FRMPD4: variants seen among roughly 807,000 people sequenced by gnomAD.
FRMPD4 encodes FERM and PDZ domain containing 4.
In FRMPD4, 22 loss-of-function variants were observed where a neutral mutation model predicts 94.1. The observed-to-expected ratio is 0.23, with a 90% CI of 0.17 to 0.33. FRMPD4 has a LOEUF of 0.33. FRMPD4 is among the 10% of genes least tolerant of loss of function. The pLI is 1.00. For synonymous variants in FRMPD4, 631 were observed against 548.6 expected (o/e 1.15, Z -2.10); for missense variants, 1,111 against 1,339.9 (o/e 0.83, Z 2.67).
At chrX:12,295,700 C>G (rs928121233) in intron 1 of FRMPD4, among the ~76,000 whole-genome samples, 3 of 111,804 alleles carry the variant, frequency 2.7e-5, no homozygotes, top group African/African-American at 9.8e-5. Context: ...GTTTAAGAGT[C>G]TTTTTGCCTC....
intron 2 of FRMPD4, among the ~76,000 whole-genome samples, chrX:12,499,144 G>T (rs774553233): frequency 8.1e-5 from 9 of 111,463 alleles, no homozygotes; most frequent in African/African-American, 2.9e-4. Flanking sequence ...AACAACCGAA[G>T]TTGGACATGC....
chrX:12,499,659 A>G, intron 2 of FRMPD4, among the ~76,000 whole-genome samples: 1 of 112,641 alleles, frequency 8.9e-6, no homozygotes, highest in Non-Finnish European at 1.9e-5. Flanking sequence ...CACTTAGCGT[A>G]ACGTTTTCAG....
intron 2 of FRMPD4, among the ~76,000 whole-genome samples, chrX:12,574,022 A>G (rs1411737494): frequency 8.9e-6 from 1 of 112,174 alleles, no homozygotes; most frequent in Non-Finnish European, 1.9e-5. Context: ...TATTTTTTTG[A>G]GACAGTCTCA....
chrX:12,351,322 G>GC (rs1304066399), intron 1 of FRMPD4, among the ~76,000 whole-genome samples: 8 of 108,844 alleles, frequency 7.3e-5, no homozygotes, highest in Admixed American at 4.0e-4. Flanking sequence ...ACAGCCCCCT[G>GC]CCCCCCCATT....
intron 1 of FRMPD4, among the ~76,000 whole-genome samples, chrX:12,405,610 C>T (rs1272593966): frequency 9.0e-6 from 1 of 111,616 alleles, no homozygotes; most frequent in Non-Finnish European, 1.9e-5. Flanking sequence ...CTGTCTCCCT[C>T]ATTAATGTGA....
chrX:11,925,519 A>G (rs748126210), intron 3 of FRMPD4, among the ~76,000 whole-genome samples: 1 of 112,394 alleles, frequency 8.9e-6, no homozygotes, highest in East Asian at 2.8e-4. Flanking sequence ...ACTCTTCAGC[A>G]AATGTGAAAG....
chrX:12,129,855 T>C (rs1217632262), intron 3 of FRMPD4, among the ~76,000 whole-genome samples: 1 of 111,887 alleles, frequency 8.9e-6, no homozygotes, highest in East Asian at 2.8e-4. Flanking sequence ...TGAGATGACA[T>C]GTGCAGAAAC....
chrX:12,572,918 G>A (rs1198886137), intron 2 of FRMPD4, among the ~76,000 whole-genome samples: 2 of 111,690 alleles, frequency 1.8e-5, no homozygotes, highest in African/African-American at 6.5e-5. Flanking sequence ...TTGTCTTGCT[G>A]TACAAATAAA....
intron 3 of FRMPD4, among the ~76,000 whole-genome samples, chrX:12,022,651 C>G (rs960617869): frequency 8.9e-6 from 1 of 111,745 alleles, no homozygotes; most frequent in Non-Finnish European, 1.9e-5. Context: ...AGGCTCTCCC[C>G]TGTGCTGATG....
chrX:12,658,402 A>C (rs756740080), intron 4 of FRMPD4, among the ~76,000 whole-genome samples: 7 of 112,154 alleles, frequency 6.2e-5, no homozygotes, highest in Non-Finnish European at 1.9e-5. Flanking sequence ...GAAGGGAATA[A>C]ATGAAGGAAG....
At chrX:12,059,621 G>A (rs1020123091) in intron 3 of FRMPD4, among the ~76,000 whole-genome samples, 7 of 106,686 alleles carry the variant, frequency 6.6e-5, no homozygotes, top group Non-Finnish European at 9.7e-5. Flanking sequence ...CCTTCCTCCT[G>A]CCCCCCATAG....
At chrX:12,690,354 G>A (rs775702133) in intron 8 of FRMPD4, 28 bp downstream of exon 8, 20 of 1,187,724 alleles carry the variant, frequency 1.7e-5, no homozygotes, top group Non-Finnish European at 2.3e-5. Flanking sequence ...CTCAAGTGAT[G>A]AGGCTGCAGG....
chrX:12,526,787 G>C (rs1569316259), intron 2 of FRMPD4, among the ~76,000 whole-genome samples: 1 of 112,133 alleles, frequency 8.9e-6, no homozygotes, highest in African/African-American at 3.2e-5. Context: ...TGAGAAAATA[G>C]TCTGATATTT....
chrX:12,274,882 A>G (rs1472580427), intron 1 of FRMPD4, among the ~76,000 whole-genome samples: 1 of 111,596 alleles, frequency 9.0e-6, no homozygotes, highest in Non-Finnish European at 1.9e-5. Flanking sequence ...GGTGGTGGGC[A>G]CCTGTAGTCC....
chrX:12,086,018 A>G (rs758593046), intron 3 of FRMPD4, among the ~76,000 whole-genome samples: 73 of 112,085 alleles, frequency 6.5e-4, no homozygotes, highest in African/African-American at 2.3e-3. Flanking sequence ...ACTACCATTT[A>G]TAGACAGCAT....
intron 2 of FRMPD4, among the ~76,000 whole-genome samples, chrX:12,530,409 G>T (rs1447144607): frequency 2.7e-5 from 3 of 111,253 alleles, no homozygotes; most frequent in Non-Finnish European, 5.6e-5. Flanking sequence ...TGTCATTTAG[G>T]AAGTAGAGAG....
intron 3 of FRMPD4, among the ~76,000 whole-genome samples, chrX:12,115,985 A>G (rs1186702731): frequency 2.7e-5 from 3 of 112,037 alleles, no homozygotes; most frequent in Non-Finnish European, 3.8e-5. Flanking sequence ...CATCCCGATT[A>G]TACAGTACTT....
chrX:12,342,501 G>T (rs1235052891), intron 1 of FRMPD4, among the ~76,000 whole-genome samples: 1 of 111,923 alleles, frequency 8.9e-6, no homozygotes. Flanking sequence ...CCCTTGATGG[G>T]GTCACGGGTG....
At chrX:11,840,348 T>A (rs746771749) in intron 1 of FRMPD4, among the ~76,000 whole-genome samples, 6 of 111,893 alleles carry the variant, frequency 5.4e-5, no homozygotes, top group Non-Finnish European at 9.4e-5. Context: ...TGAATTTTTT[T>A]AATTTCATTT....
Sources: allele counts gnomAD v4.1 joint callset (sites outside exome capture counted in the v4.1 genomes callset), GRCh38; gene constraint gnomAD v4.1.1; transcripts MANE v1.5; gene names NCBI Gene and HGNC (gene_info 2026-07-23, HGNC 2026-07-21).